The following ST7 variants were observed in gnomAD, a reference collection of about 807,000 sequenced individuals.
ST7 encodes the protein suppressor of tumorigenicity 7 protein.
A neutral mutation model predicts 78.7 loss-of-function variants in ST7; 28 were observed. The ratio of observed to expected loss-of-function variants is 0.36; its 90% confidence interval spans 0.26 to 0.49. ST7 has a LOEUF of 0.49. Among genes scored for constraint, ST7 ranks in the 20% least tolerant of loss-of-function variants. The pLI is 0.99. For synonymous variants in ST7, 247 were observed against 249.6 expected, an observed-to-expected ratio of 0.99 and a Z score of 0.10; for missense variants, 418 against 696.0, an observed-to-expected ratio of 0.60 and a Z score of 4.49.
intron 1 of ST7, among the ~76,000 whole-genome samples, chr7:117,097,908 A>ATATATT: frequency 3.7e-4 from 11 of 30,006 alleles, no homozygotes; most frequent in Non-Finnish European, 4.8e-4. Context: ...ATATATATAT[A>ATATATT]TTTTTTTTTT....
chr7:117,189,544 A>G (rs1001172459), intron 11 of ST7, 151 bp downstream of exon 11: 5 of 522,962 alleles, frequency 9.6e-6, no homozygotes, highest in South Asian at 3.3e-5. Context: ...TTCTTTCACT[A>G]TTGGAAGGAG....
At chr7:117,021,118 C>G (rs940336471) in intron 1 of ST7, among the ~76,000 whole-genome samples, 1 of 151,890 alleles carries the variant, frequency 6.6e-6, no homozygotes, top group Non-Finnish European at 1.5e-5. Context: ...AGTAAGAAAT[C>G]GCTTTATTTT....
chr7:116,963,702 G>A (rs1291877483), intron 1 of ST7, among the ~76,000 whole-genome samples: 2 of 148,290 alleles, frequency 1.3e-5, no homozygotes, highest in African/African-American at 2.5e-5. Context: ...GTGCCATCTC[G>A]GCTCACTGTA....
intron 1 of ST7, among the ~76,000 whole-genome samples, chr7:117,091,722 A>T (rs1024944212): frequency 6.6e-5 from 10 of 152,192 alleles, no homozygotes; most frequent in African/African-American, 2.2e-4. Context: ...TATCAGTTTT[A>T]TATTGCTGCC....
At chr7:117,071,361 C>T (rs555632440) in intron 1 of ST7, among the ~76,000 whole-genome samples, 1 of 152,086 alleles carries the variant, frequency 6.6e-6, no homozygotes, top group East Asian at 1.9e-4. Flanking sequence ...ACATCCTGCA[C>T]TTAAAAAAAA....
At chr7:117,068,184 T>C (rs987603207) in intron 1 of ST7, among the ~76,000 whole-genome samples, 2 of 152,190 alleles carry the variant, frequency 1.3e-5, no homozygotes, top group Non-Finnish European at 2.9e-5. Context: ...AAATACTATT[T>C]CTATTATAAA....
At chr7:117,112,108 G>GTATA (rs760023790) in intron 2 of ST7, among the ~76,000 whole-genome samples, 4 of 149,144 alleles carry the variant, frequency 2.7e-5, no homozygotes, top group East Asian at 3.9e-4. Context: ...GTGTGTGTGT[G>GTATA]TATATATATA....
intron 9 of ST7, among the ~76,000 whole-genome samples, chr7:117,148,135 C>T (rs904435856): frequency 1.4e-4 from 22 of 152,060 alleles, no homozygotes; most frequent in African/African-American, 5.1e-4. Flanking sequence ...GAATATTCAC[C>T]TCCAACTGTT....
intron 1 of ST7, among the ~76,000 whole-genome samples, chr7:116,990,196 A>C (rs1451570624): frequency 2.6e-5 from 4 of 152,154 alleles, no homozygotes; most frequent in Admixed American, 2.6e-4. Context: ...TTGGCCTCCC[A>C]AAGTGCTGAG....
intron 1 of ST7, chr7:116,956,420 C>T (rs1481736325): frequency 2.1e-6 from 1 of 467,420 alleles, no homozygotes; most frequent in South Asian, 1.6e-5. Flanking sequence ...TGCTGTTCTT[C>T]AGCCCTGTGG....
At chr7:116,954,428 A>G (rs910474857) in intron 1 of ST7, 1 of 152,412 alleles carries the variant, frequency 6.6e-6, no homozygotes, top group African/African-American at 2.4e-5. Context: ...TGCAGTTTTC[A>G]GTGATCTTTG....
chr7:117,021,655 G>A (rs1234833403), intron 1 of ST7, among the ~76,000 whole-genome samples: 4 of 152,204 alleles, frequency 2.6e-5, no homozygotes, highest in Non-Finnish European at 5.9e-5. Context: ...TTTCGAGAGA[G>A]CTAATAATCC....
At chr7:117,119,766 T>C (rs776929382) in intron 3 of ST7, 46 bp downstream of exon 3, 1 of 1,581,188 alleles carries the variant, frequency 6.3e-7, no homozygotes, top group Non-Finnish European at 8.6e-7. Context: ...TTACTGTTAC[T>C]AAATTATTAT....
intron 1 of ST7, among the ~76,000 whole-genome samples, chr7:117,036,457 G>A (rs1033221372): frequency 9.2e-5 from 14 of 152,194 alleles, no homozygotes; most frequent in African/African-American, 2.2e-4. Flanking sequence ...AATATTTTAC[G>A]TATTTAGCTG....
At chr7:117,144,645 A>C (rs542185495) in intron 9 of ST7, among the ~76,000 whole-genome samples, 21 of 151,922 alleles carry the variant, frequency 1.4e-4, no homozygotes, top group Middle Eastern at 3.4e-3. Flanking sequence ...AAAAAAAAAA[A>C]AAAACCAAAA....
chr7:117,169,001 G>A (rs1807775271), intron 9 of ST7, among the ~76,000 whole-genome samples: 1 of 152,098 alleles, frequency 6.6e-6, no homozygotes, highest in African/African-American at 2.4e-5. Flanking sequence ...GAGGATTAGA[G>A]GAGAATATAT....
intron 1 of ST7, chr7:117,020,139 G>A (rs76203865): frequency 0.026 from 4,065 of 155,312 alleles, 67 homozygotes; most frequent in South Asian, 0.046. Flanking sequence ...TGGAGCCCCT[G>A]GAGCCTCTGG....
At chr7:117,067,206 T>A (rs1798685587) in intron 1 of ST7, among the ~76,000 whole-genome samples, 1 of 152,076 alleles carries the variant, frequency 6.6e-6, no homozygotes, top group Non-Finnish European at 1.5e-5. Context: ...TGAACATTTT[T>A]ATACAAGTTT....
At chr7:117,085,744 T>C (rs1800092305) in intron 1 of ST7, among the ~76,000 whole-genome samples, 1 of 152,154 alleles carries the variant, frequency 6.6e-6, no homozygotes. Context: ...TCCCGATTTT[T>C]ATGTAGAAAG....
Sources: gnomAD v4.1 joint callset for allele counts (sites outside exome capture counted in the v4.1 genomes callset) on GRCh38, gnomAD v4.1.1 for gene constraint, MANE v1.5 for transcripts, NCBI Gene and HGNC (gene_info 2026-07-23, HGNC 2026-07-21) for gene names.